Variants in SLC28A3 observed in about 807,000 individuals in gnomAD.
The protein encoded by SLC28A3 is concentrative Na(+)-nucleoside cotransporter 3.
Under a neutral mutation model 84.2 loss-of-function variants are expected in SLC28A3, and 68 were observed. The observed-to-expected ratio is 0.81, with a 90% confidence interval of 0.66 to 0.99. The LOEUF is 0.99. SLC28A3 is among the 50% of genes least tolerant of loss of function. SLC28A3 has a pLI of 0.00. For synonymous variants in SLC28A3, 267 were observed against 303.6 expected (o/e 0.88, Z 1.25); for missense variants, 712 against 841.5 (o/e 0.85, Z 1.90).
intron 1 of SLC28A3, among the ~76,000 whole-genome samples, chr9:84,335,009 C>A (rs1327712341): frequency 6.6e-6 from 1 of 150,444 alleles, no homozygotes; most frequent in African/African-American, 2.4e-5. Flanking sequence ...AACTTCCCCA[C>A]TCCTTAAGCG....
chr9:84,282,285 T>A (rs1461955027), intron 14 of SLC28A3, among the ~76,000 whole-genome samples: 1 of 133,190 alleles, frequency 7.5e-6, no homozygotes, highest in Non-Finnish European at 1.6e-5. Flanking sequence ...GAGGAAAACC[T>A]TTTTTTTTTT....
At chr9:84,307,757 A>G (rs574384950) in intron 3 of SLC28A3, among the ~76,000 whole-genome samples, 2 of 152,350 alleles carry the variant, frequency 1.3e-5, no homozygotes, top group Admixed American at 6.5e-5. Context: ...GGTTGACTCT[A>G]TCAGGTTCTT....
chr9:84,295,738 G>T (rs1588577778), intron 8 of SLC28A3, among the ~76,000 whole-genome samples: 1 of 152,118 alleles, frequency 6.6e-6, no homozygotes, highest in Non-Finnish European at 1.5e-5. Context: ...AGAGCTGTGG[G>T]CTGGGTCCCT....
At chr9:84,289,146 C>T (rs1041494711) in intron 11 of SLC28A3, among the ~76,000 whole-genome samples, 1 of 152,192 alleles carries the variant, frequency 6.6e-6, no homozygotes, top group Non-Finnish European at 1.5e-5. Context: ...TCCTGTTCCC[C>T]CCAGAACATT....
chr9:84,365,261 C>T, the SLC28A3 span, among the ~76,000 whole-genome samples: 46 of 152,282 alleles, frequency 3.0e-4, no homozygotes, highest in African/African-American at 1.1e-3. Flanking sequence ...TTGCATTTCT[C>T]TGATGATCAG....
chr9:84,334,594 T>TA (rs1826904028), intron 1 of SLC28A3, among the ~76,000 whole-genome samples: 1 of 151,922 alleles, frequency 6.6e-6, no homozygotes, highest in African/African-American at 2.4e-5. Context: ...TATTTGTTTT[T>TA]ATGTATTTTT....
At chr9:84,324,249 A>C (rs1826476443) in intron 1 of SLC28A3, among the ~76,000 whole-genome samples, 1 of 152,164 alleles carries the variant, frequency 6.6e-6, no homozygotes, top group Non-Finnish European at 1.5e-5. Context: ...TGGCTGCACA[A>C]ATTAGGCCAG....
intron 11 of SLC28A3, 86 bp downstream of exon 11, chr9:84,290,068 T>G (rs1048471164): frequency 1.9e-6 from 3 of 1,544,968 alleles, no homozygotes; most frequent in Admixed American, 1.9e-5. Flanking sequence ...TTGGCCTCCT[T>G]TTTCCACCAG....
intron 1 of SLC28A3, among the ~76,000 whole-genome samples, chr9:84,331,533 G>A (rs1564177463): frequency 6.6e-6 from 1 of 152,122 alleles, no homozygotes; most frequent in Non-Finnish European, 1.5e-5. Flanking sequence ...AAACCTGCTT[G>A]ACTGGCTTAC....
At chr9:84,301,468 T>C (rs144386469) in intron 5 of SLC28A3, among the ~76,000 whole-genome samples, 1 of 151,986 alleles carries the variant, frequency 6.6e-6, no homozygotes, top group African/African-American at 2.4e-5. Context: ...ATATCTCCCA[T>C]TGAATAAAAT....
intron 1 of SLC28A3, among the ~76,000 whole-genome samples, chr9:84,328,228 A>G (rs1228750558): frequency 6.6e-6 from 1 of 151,468 alleles, no homozygotes; most frequent in Non-Finnish European, 1.5e-5. Context: ...ATCCTATCTT[A>G]TCAGTAACTA....
At chr9:84,347,227 A>AAAG in the SLC28A3 span, among the ~76,000 whole-genome samples, 22,904 of 130,432 alleles carry the variant, frequency 0.18, 2,851 homozygotes, top group African/African-American at 0.33. Context: ...AAAAAAAAAA[A>AAAG]AAGGGAAGAA....
At chr9:84,349,426 G>T in the SLC28A3 span, among the ~76,000 whole-genome samples, 1 of 152,128 alleles carries the variant, frequency 6.6e-6, no homozygotes, top group African/African-American at 2.4e-5. Context: ...TGGTAGAGAC[G>T]GGGTTTCACC....
In SLC28A3 at chr9:84,305,360, C is replaced by A. The variant is rs1230229174; in HGVS notation, c.243-15G>T. 6.2e-7 allele frequency: 1 copy of A among 1,605,298 alleles called. No homozygotes were observed. Among genetic ancestry groups the A allele is most frequent in the Admixed American group, 1.7e-5 (1 of 58,902 alleles). On this transcript the variant is annotated splice_polypyrimidine_tract_variant and intron_variant, in intron 3 of 17. Transcript: ENST00000376238. ...TTTCCAAACACCTGCAACATAAAAGCAAAAAGGCAGGGAGAAGTAAACACC... is the reference window on the plus strand; with the variant it reads ...TTTCCAAACACCTGCAACATAAAAGAAAAAAGGCAGGGAGAAGTAAACACC...
chr9:84,286,990 G>A (rs1825015774), intron 12 of SLC28A3, among the ~76,000 whole-genome samples: 1 of 152,102 alleles, frequency 6.6e-6, no homozygotes, highest in South Asian at 2.1e-4. Context: ...GATTGCTTGA[G>A]CCCAGGAGTT....
rs137868213 is a variant in SLC28A3, at chr9:84,303,478, G to A, written c.335-1089C>T. ...TGGGATTACAGGCATGTGCCACCAC[G>A]CCCGGTTAATTTTGTATTTTTAGTA... is the stretch of plus-strand genomic sequence containing the variant. On this transcript the variant is annotated intron_variant, in intron 4 of 17. Coordinates refer to ENST00000376238, the MANE Select transcript of SLC28A3 (RefSeq NM_001199633.2). Among the ~76,000 whole-genome samples, 126 of 152,184 alleles carry A rather than the reference G, an allele frequency of 8.3e-4. 1 individual carries two copies. The highest frequency in any genetic ancestry group is 3.4e-3 in the Middle Eastern group (1 of 294).
At chr9:84,362,403 G>T in the SLC28A3 span, among the ~76,000 whole-genome samples, 1 of 152,114 alleles carries the variant, frequency 6.6e-6, no homozygotes, top group African/African-American at 2.4e-5. Flanking sequence ...AAGCTGAGGT[G>T]GGCAGATTGC....
upstream of SLC28A3, among the ~76,000 whole-genome samples, chr9:84,343,423 C>A (rs1473407638): frequency 6.6e-6 from 1 of 152,008 alleles, no homozygotes; most frequent in Admixed American, 6.6e-5. Flanking sequence ...AGTTATTTTT[C>A]TTTTCTTGTT....
the SLC28A3 span, among the ~76,000 whole-genome samples, chr9:84,359,015 G>A: frequency 5.5e-3 from 840 of 152,236 alleles, 7 homozygotes; most frequent in Middle Eastern, 0.01. Flanking sequence ...TGTTGGCCAG[G>A]CTGGTCTCGA....
Sources: gnomAD v4.1 joint callset for allele counts (sites outside exome capture counted in the v4.1 genomes callset) on GRCh38, gnomAD v4.1.1 for gene constraint, MANE v1.5 for transcripts, NCBI Gene and HGNC (gene_info 2026-07-23, HGNC 2026-07-21) for gene names.